SLC9A2: variants seen among roughly 807,000 people sequenced by gnomAD.
SLC9A2 encodes sodium/hydrogen exchanger 2.
SLC9A2 carries 42 observed loss-of-function variants against 71.7 expected under a neutral mutation model. That is an observed-to-expected ratio of 0.59 (90% confidence interval 0.46 to 0.76). The LOEUF (loss-of-function observed/expected upper bound fraction) is 0.76, where lower values mean the gene tolerates loss of function less well. SLC9A2 is among the 30% of genes least tolerant of loss of function. The probability of loss-of-function intolerance (pLI) is 0.00; values close to 1 mark genes in which losing one functional copy is unlikely to be tolerated. For synonymous variants in SLC9A2, 396 were observed against 392.5 expected (o/e 1.01, Z -0.10); for missense variants, 829 against 1,017.4 (o/e 0.81, Z 2.52).
At chr2:102,691,897 T>C (rs1294567719) in intron 5 of SLC9A2, among the ~76,000 whole-genome samples, 2 of 152,204 alleles carry the variant, frequency 1.3e-5, no homozygotes, top group Non-Finnish European at 2.9e-5. Flanking sequence ...TTACAAAGAC[T>C]CGTGACTCAC....
chr2:102,632,668 A>G (rs1401242667), intron 1 of SLC9A2, among the ~76,000 whole-genome samples: 1 of 152,052 alleles, frequency 6.6e-6, no homozygotes, highest in Non-Finnish European at 1.5e-5. Context: ...CTCTGTTATG[A>G]CTGTGACACA....
chr2:102,692,222 AC>A (rs1199988535), intron 5 of SLC9A2, among the ~76,000 whole-genome samples: 1 of 152,212 alleles, frequency 6.6e-6, no homozygotes, highest in African/African-American at 2.4e-5. Context: ...TGTGTTTTAT[AC>A]CAAATTTGGT....
intron 6 of SLC9A2, 71 bp from the exon 7 acceptor site, chr2:102,694,972 T>C (rs1677727042): frequency 1.6e-6 from 2 of 1,287,820 alleles, no homozygotes; most frequent in South Asian, 1.3e-5. Flanking sequence ...AGTTTAGAAA[T>C]GATACAAGTA....
At chr2:102,665,060 G>A (rs901632090) in intron 2 of SLC9A2, 40 bp from the exon 3 acceptor site, 5 of 1,584,296 alleles carry the variant, frequency 3.2e-6, no homozygotes, top group Non-Finnish European at 4.3e-6. Flanking sequence ...ATGGGGAAAT[G>A]GGAAAGGGTC....
intron 3 of SLC9A2, among the ~76,000 whole-genome samples, chr2:102,666,067 T>G (rs1677131759): frequency 6.6e-6 from 1 of 152,160 alleles, no homozygotes; most frequent in Admixed American, 6.5e-5. Flanking sequence ...GAATGGCTTA[T>G]GGATATTCAT....
intron 1 of SLC9A2, among the ~76,000 whole-genome samples, chr2:102,641,914 G>A (rs1676589753): frequency 6.6e-6 from 1 of 151,146 alleles, no homozygotes; most frequent in Non-Finnish European, 1.5e-5. Flanking sequence ...GGGGGGCTGG[G>A]GGAGGGATAG....
In SLC9A2 at chr2:102,694,488, A is replaced by G. The variant is rs1271080663; in HGVS notation, c.1500A>G (p.Glu500=). The G allele has an allele frequency of 1.3e-6, 2 of 1,533,838 alleles. No homozygotes were observed. The highest frequency in any genetic ancestry group is 8.9e-7 in the Non-Finnish European group (1 of 1,125,804). Residue 500 remains glutamate (E), a synonymous_variant, in exon 6 of 12, where the codon GAA becomes GAG. Transcript: ENST00000233969. ...RSNKKQQAVS[E]EIYCRLFDHV... is the part of the protein sequence containing the mutation. ...ATAAGAAACAACAAGCTGTCAGTGAAGAAATCTATTGTCGGGTAGGTGTTA... is the reference window on the plus strand; with the variant it reads ...ATAAGAAACAACAAGCTGTCAGTGAGGAAATCTATTGTCGGGTAGGTGTTA...
At chr2:102,695,317 T>A (rs1417734194) in intron 7 of SLC9A2, among the ~76,000 whole-genome samples, 1 of 152,168 alleles carries the variant, frequency 6.6e-6, no homozygotes, top group African/African-American at 2.4e-5. Context: ...CTTCTGTAAA[T>A]AGCCAGAGAT....
intron 1 of SLC9A2, among the ~76,000 whole-genome samples, chr2:102,653,639 C>T (rs376506734): frequency 1.3e-5 from 2 of 152,094 alleles, no homozygotes; most frequent in South Asian, 4.1e-4. Flanking sequence ...CATTCTCCAA[C>T]CTTAGGAATG....
intron 1 of SLC9A2, among the ~76,000 whole-genome samples, chr2:102,651,658 C>A (rs1047475825): frequency 6.6e-6 from 1 of 152,196 alleles, no homozygotes; most frequent in East Asian, 1.9e-4. Context: ...CTCATCACTG[C>A]GTGCTACTGT....
intron 2 of SLC9A2, 21 bp from the exon 3 acceptor site, chr2:102,665,079 G>T: frequency 1.3e-6 from 2 of 1,587,038 alleles, no homozygotes; most frequent in Non-Finnish European, 1.7e-6. Flanking sequence ...TCTTGACAAG[G>T]TGTTTTTTTT....
intron 3 of SLC9A2, among the ~76,000 whole-genome samples, chr2:102,669,433 A>ATG (rs144885926): frequency 1.5e-4 from 23 of 152,058 alleles, no homozygotes; most frequent in South Asian, 4.2e-4. Context: ...CAATAGGGAA[A>ATG]TGTGTGTGTG....
intron 2 of SLC9A2, among the ~76,000 whole-genome samples, chr2:102,663,394 T>C (rs1023397616): frequency 6.6e-6 from 1 of 152,220 alleles, no homozygotes; most frequent in Non-Finnish European, 1.5e-5. Flanking sequence ...ACTTGGAAGA[T>C]GTAAATTGTA....
At chr2:102,695,623 G>C (rs1371841718) in intron 7 of SLC9A2, among the ~76,000 whole-genome samples, 1 of 151,518 alleles carries the variant, frequency 6.6e-6, no homozygotes, top group Admixed American at 6.6e-5. Context: ...TGCAAAGCAG[G>C]CTGAGGAATG....
intron 2 of SLC9A2, among the ~76,000 whole-genome samples, chr2:102,659,092 A>G (rs1677001130): frequency 6.6e-6 from 1 of 152,136 alleles, no homozygotes; most frequent in Non-Finnish European, 1.5e-5. Context: ...ATTTGCTCTT[A>G]TCATTAAAAT....
chr2:102,648,945 G>A (rs1676781835), intron 1 of SLC9A2, among the ~76,000 whole-genome samples: 2 of 152,062 alleles, frequency 1.3e-5, no homozygotes, highest in Non-Finnish European at 2.9e-5. Flanking sequence ...TCCCCATCAA[G>A]CTACCATTGA....
chr2:102,684,171 G>C lies in SLC9A2; in HGVS notation c.1260G>C (p.Arg420=). The stretch of plus-strand genomic sequence containing the variant: ...TGACTCAGGTCATTAATAGGTTCCG[G>C]ACCATTCCCCTGACCTTTAAGGACC... ...FVLTQVINRF[R]TIPLTFKDQF... Residue 420 remains arginine, a synonymous_variant, in exon 5 of 12, where the codon CGG becomes CGC. Transcript: ENST00000233969. 2 of 1,614,110 alleles carry C rather than the reference G, an allele frequency of 1.2e-6. No individual in the cohort carries two copies. Among genetic ancestry groups the C allele is most frequent in the Non-Finnish European group, 1.7e-6 (2 of 1,180,012 alleles).
At chr2:102,660,936 TAAC>T (rs1677036892) in intron 2 of SLC9A2, among the ~76,000 whole-genome samples, 1 of 152,212 alleles carries the variant, frequency 6.6e-6, no homozygotes. Flanking sequence ...TTAGTGCCAT[TAAC>T]TCCTTTCCCA....
At chr2:102,631,495 G>A (rs1245580738) in intron 1 of SLC9A2, among the ~76,000 whole-genome samples, 1 of 151,908 alleles carries the variant, frequency 6.6e-6, no homozygotes, top group African/African-American at 2.4e-5. Context: ...AAATCCTACT[G>A]ACATATCTCA....
Sources: allele counts gnomAD v4.1 joint callset (sites outside exome capture counted in the v4.1 genomes callset), GRCh38; gene constraint gnomAD v4.1.1; transcripts MANE v1.5; gene names NCBI Gene and HGNC (gene_info 2026-07-23, HGNC 2026-07-21).